The following BPIFB3 variants were observed in gnomAD, a reference collection of about 807,000 sequenced individuals.
The protein encoded by BPIFB3 is BPI fold-containing family B member 3.
In BPIFB3, 49 loss-of-function variants were observed where a neutral mutation model predicts 53.1. The ratio of observed to expected loss-of-function variants is 0.92; its 90% CI spans 0.73 to 1.17. The LOEUF (loss-of-function observed/expected upper bound fraction) is 1.17. Among genes scored for constraint, BPIFB3 ranks in the 50% most tolerant of loss-of-function variants. The pLI is 0.00. For synonymous variants in BPIFB3, 271 were observed against 269.6 expected (o/e 1.01, Z -0.05); for missense variants, 628 against 592.5 (o/e 1.06, Z -0.62).
intron 10 of BPIFB3, among the ~76,000 whole-genome samples, chr20:33,069,370 CT>C (rs1330376534): frequency 1.3e-5 from 2 of 152,194 alleles, no homozygotes; most frequent in African/African-American, 2.4e-5. Context: ...GCCCCTCCCC[CT>C]ATCCTCCACC....
At chr20:33,063,788 G>T (rs1390060281) in intron 6 of BPIFB3, 113 bp downstream of exon 7, 1 of 1,088,400 alleles carries the variant, frequency 9.2e-7, no homozygotes, top group Non-Finnish European at 1.3e-6. Flanking sequence ...GGGTCCTTTA[G>T]TTCCTCCTCA....
At chr20:33,059,107 G>GATAGGAC (rs1980333527) in intron 2 of BPIFB3, among the ~76,000 whole-genome samples, 1 of 152,140 alleles carries the variant, frequency 6.6e-6, no homozygotes, top group Non-Finnish European at 1.5e-5. Flanking sequence ...CGGTGATGAT[G>GATAGGAC]ATAGGACATT....
At chr20:33,054,655 G>T (rs1980118015), upstream of BPIFB3, among the ~76,000 whole-genome samples, 1 of 152,156 alleles carries the variant, frequency 6.6e-6, no homozygotes, top group Non-Finnish European at 1.5e-5. Context: ...GGATTTTGTG[G>T]GTAATGGCAA....
chr20:33,067,888 C>A (rs1419415044), intron 9 of BPIFB3, among the ~76,000 whole-genome samples: 1 of 152,178 alleles, frequency 6.6e-6, no homozygotes, highest in Non-Finnish European at 1.5e-5. Context: ...TCCTGATGAT[C>A]CTGCCCCTTA....
At chr20:33,054,139 G>T (rs1980097985), upstream of BPIFB3, among the ~76,000 whole-genome samples, 1 of 152,146 alleles carries the variant, frequency 6.6e-6, no homozygotes, top group Non-Finnish European at 1.5e-5. Context: ...GGGGCCCAGA[G>T]AGAGGCAAAG....
intron 14 of BPIFB3, among the ~76,000 whole-genome samples, chr20:33,073,277 A>C (rs1290766539): frequency 6.6e-6 from 1 of 152,226 alleles, no homozygotes; most frequent in African/African-American, 2.4e-5. Context: ...TGGGCAGAGC[A>C]GAGAGTTCTG....
exon 4 of BPIFB3, chr20:33,059,976 A>G (rs1463939098): frequency 1.2e-6 from 2 of 1,614,146 alleles, no homozygotes; most frequent in South Asian, 1.1e-5. Context: ...GGGCACACCC[A>G]TCCTTATCCT....
At chr20:33,070,186 C>G (rs1394382947) in intron 11 of BPIFB3, among the ~76,000 whole-genome samples, 1 of 152,132 alleles carries the variant, frequency 6.6e-6, no homozygotes, top group Non-Finnish European at 1.5e-5. Flanking sequence ...TCCACGGCAC[C>G]CTTTTGCTGC....
At chr20:33,070,004 A>G (rs751177765) in intron 11 of BPIFB3, 49 bp downstream of exon 12, 21 of 1,594,002 alleles carry the variant, frequency 1.3e-5, no homozygotes, top group Non-Finnish European at 1.7e-5. Context: ...TTTAGGAACA[A>G]GAATTAGGGG....
At chr20:33,055,590 T>A (rs1980165484) in intron 1 of BPIFB3, 43 bp downstream of exon 2, 1 of 1,611,364 alleles carries the variant, frequency 6.2e-7, no homozygotes, top group African/African-American at 1.3e-5. Flanking sequence ...TGCTGCAATG[T>A]CAACGACTCA....
intron 5 of BPIFB3, among the ~76,000 whole-genome samples, chr20:33,062,872 G>A (rs571038243): frequency 1.2e-4 from 18 of 152,286 alleles, no homozygotes; most frequent in African/African-American, 4.3e-4. Context: ...TGACTTGCCT[G>A]ACCCCAGAAA....
intron 2 of BPIFB3, among the ~76,000 whole-genome samples, chr20:33,057,522 C>T (rs73615625): frequency 3.2e-5 from 1 of 30,986 alleles, no homozygotes; most frequent in Non-Finnish European, 5.8e-5. Context: ...AAGACTGCTA[C>T]GATTGTCTGA....
chr20:33,068,496 C>T (rs1375302233), intron 9 of BPIFB3, among the ~76,000 whole-genome samples: 1 of 152,176 alleles, frequency 6.6e-6, no homozygotes, highest in East Asian at 1.9e-4. Context: ...GAACGCAGGG[C>T]AGCAGCGGGA....
In BPIFB3 at chr20:33,070,449, T is replaced by C. The variant is rs551103370; in HGVS notation, c.1217+494T>C. ...TCCTTCATCTACACGCACAGTACTTTACAGTTTGCAAAGCACCATCTACAT... is the reference window on the plus strand; with the variant it reads ...TCCTTCATCTACACGCACAGTACTTCACAGTTTGCAAAGCACCATCTACAT... On this transcript the variant is annotated intron_variant, in intron 11 of 14. Transcript: ENST00000375494. Among the ~76,000 whole-genome samples, 14 of 152,354 alleles carry C rather than the reference T, an allele frequency of 9.2e-5. 1 individual carries two copies. The highest frequency in any genetic ancestry group is 5.9e-4 in the Admixed American group (9 of 15,306).
exon 8 of BPIFB3, chr20:33,064,666 C>T (rs1980595495): frequency 6.2e-7 from 1 of 1,613,470 alleles, no homozygotes. Context: ...GCCCCTGCAG[C>T]CTATCGTGAA....
At chr20:33,064,465 T>C in exon 7 of BPIFB3, 1 of 1,613,936 alleles carries the variant, frequency 6.2e-7, no homozygotes. Flanking sequence ...AGGCCTGGTG[T>C]CCCTTGGGGC....
intron 5 of BPIFB3, among the ~76,000 whole-genome samples, chr20:33,063,019 G>T (rs1207850390): frequency 2.6e-5 from 4 of 152,224 alleles, no homozygotes; most frequent in African/African-American, 7.2e-5. Flanking sequence ...TCCTCTCTGA[G>T]GCTCCCACTC....
intron 10 of BPIFB3, among the ~76,000 whole-genome samples, chr20:33,069,255 C>A (rs568505752): frequency 1.3e-5 from 2 of 152,276 alleles, no homozygotes; most frequent in South Asian, 4.1e-4. Flanking sequence ...ATCTCCCCAG[C>A]CTCTCTGCCC....
At chr20:33,062,795 A>T (rs552576404) in intron 5 of BPIFB3, among the ~76,000 whole-genome samples, 1 of 152,188 alleles carries the variant, frequency 6.6e-6, no homozygotes, top group Non-Finnish European at 1.5e-5. Context: ...GGTACCTCCC[A>T]TCTGGTGCTC....
Sources: gnomAD v4.1 joint callset for allele counts (sites outside exome capture counted in the v4.1 genomes callset) on GRCh38, gnomAD v4.1.1 for gene constraint, MANE v1.5 for transcripts, NCBI Gene and HGNC (gene_info 2026-07-23, HGNC 2026-07-21) for gene names.